MCPH1: variants seen among roughly 807,000 people sequenced by gnomAD.
MCPH1 encodes the protein microcephalin 1.
In MCPH1, 104 loss-of-function variants were observed where a neutral mutation model predicts 84.5. The ratio of observed to expected loss-of-function variants is 1.23; its 90% CI spans 1.05 to 1.45. MCPH1 has a LOEUF of 1.45. MCPH1 is among the 40% of genes most tolerant of loss of function. The pLI is 0.00. For synonymous variants in MCPH1, 514 were observed against 366.8 expected (o/e 1.40, Z -4.58); for missense variants, 1,498 against 1,005.7 (o/e 1.49, Z -6.62).
At chr8:6,466,126 TGG>T (rs1450524883) in intron 9 of MCPH1, among the ~76,000 whole-genome samples, 1 of 94,236 alleles carries the variant, frequency 1.1e-5, no homozygotes, top group Non-Finnish European at 1.9e-5. Context: ...GGCTAATTTT[TGG>T]ATTTTTTTTT....
intron 12 of MCPH1, among the ~76,000 whole-genome samples, chr8:6,619,561 G>C (rs975363414): frequency 1.3e-5 from 2 of 152,026 alleles, no homozygotes; most frequent in African/African-American, 4.8e-5. Flanking sequence ...CAAGTGCTGG[G>C]ATTACAGGCG....
chr8:6,480,638 A>G, intron 10 of MCPH1, 76 bp from the exon 11 acceptor site: 1 of 1,543,242 alleles, frequency 6.5e-7, no homozygotes, highest in South Asian at 1.1e-5. Context: ...ATTAGTACTA[A>G]TATTGAGTGT....
rs529677973 is a variant in MCPH1 at position 6,444,386 on chromosome 8, T to G, written c.671-7T>G. 8.1e-5 allele frequency: 131 copies of G among 1,614,082 alleles called. 1 individual carries two copies. In the South Asian group the frequency reaches 1.4e-3, roughly 17 times the overall value. ...TTAAAAGTTAGCTCTCCGTTAATGT[T>G]TTCCAGATGAATACTTTGCTGGTGG... is the stretch of plus-strand genomic sequence containing the variant. On this transcript the variant is annotated splice_polypyrimidine_tract_variant and splice_region_variant and intron_variant, in intron 7 of 13. Coordinates refer to ENST00000344683, the MANE Select transcript of MCPH1 (RefSeq NM_024596.5).
Position 6,643,165 on chromosome 8 carries a change from A to G in MCPH1, c.*116A>G. 2 of 880,150 alleles carry G rather than the reference A, an allele frequency of 2.3e-6. No homozygotes were observed. Among genetic ancestry groups the G allele is most frequent in the Non-Finnish European group, 1.9e-6 (1 of 536,728 alleles). The allele number at this position is 880,150 out of a possible 1,614,324, so 54.5% of individuals were successfully genotyped here. A position where few individuals can be genotyped will look rare whatever the true frequency, so the allele number is the denominator to read the frequency against. ...ACTGGCGTATACAAGATGACTTCTG[A>G]TATCATGTTTGCCATGTGTTGTGGT... On this transcript the variant is annotated 3_prime_UTR_variant, in exon 14 of 14. Coordinates refer to ENST00000344683, the MANE Select transcript of MCPH1 (RefSeq NM_024596.5).
chr8:6,456,710 T>C (rs1805717245), intron 9 of MCPH1, among the ~76,000 whole-genome samples: 1 of 151,824 alleles, frequency 6.6e-6, no homozygotes, highest in Non-Finnish European at 1.5e-5. Flanking sequence ...TACTTGTTAC[T>C]CACCATAAAA....
chr8:6,642,912 T>C, intron 13 of MCPH1, 82 bp from the exon 14 acceptor site: 3 of 1,283,238 alleles, frequency 2.3e-6, no homozygotes, highest in Non-Finnish European at 3.4e-6. Context: ...TAAATATAGT[T>C]TCATGTATAT....
chr8:6,626,808 T>C, intron 13 of MCPH1: 2 of 985,318 alleles, frequency 2.0e-6, no homozygotes, highest in Non-Finnish European at 2.4e-6. Context: ...TGTGCTGTGG[T>C]CAGCTCTGTG....
At chr8:6,516,520 A>G (rs1816305610) in intron 12 of MCPH1, among the ~76,000 whole-genome samples, 1 of 152,184 alleles carries the variant, frequency 6.6e-6, no homozygotes, top group Non-Finnish European at 1.5e-5. Context: ...GTCCCTCAAC[A>G]CAGTTCCAAG....
At chr8:6,447,252 A>C in intron 8 of MCPH1, 10 of 985,408 alleles carry the variant, frequency 1.0e-5, no homozygotes, top group Non-Finnish European at 1.2e-5. Context: ...TCTCTTTGGG[A>C]ATCTATCTTA....
intron 12 of MCPH1, among the ~76,000 whole-genome samples, chr8:6,612,580 C>T (rs757732283): frequency 6.6e-6 from 1 of 152,244 alleles, no homozygotes. Context: ...GGCTTCCTGA[C>T]CCCCACTGCG....
At position 6,613,422 on chromosome 8, in the gene MCPH1, G is replaced by A. The variant is rs529434047; in HGVS notation, c.2215-8032G>A. Among the ~76,000 whole-genome samples the A allele has an allele frequency of 1.2e-4, 19 of 152,276 alleles. No individual in the cohort carries two copies. In the South Asian group the frequency reaches 2.5e-3, roughly 20 times the overall value. ...GGGTTGTGGTTTGACTCAGTCTGAC[G>A]TGGAGAGAAGGGCCAGGGAGTCACG... On this transcript the variant is annotated intron_variant, in intron 12 of 13. Coordinates refer to ENST00000344683, the MANE Select transcript of MCPH1 (RefSeq NM_024596.5).
intron 12 of MCPH1, chr8:6,514,672 C>T (rs1380493417): frequency 7.4e-6 from 12 of 1,612,858 alleles, no homozygotes; most frequent in Non-Finnish European, 1.0e-5. Context: ...AAAGAATGTC[C>T]TTACCACTTT....
intron 12 of MCPH1, among the ~76,000 whole-genome samples, chr8:6,604,705 A>G (rs1002036557): frequency 1.3e-5 from 2 of 152,230 alleles, no homozygotes; most frequent in Non-Finnish European, 2.9e-5. Context: ...GGGTTTCACC[A>G]TGTTGGCCAG....
chr8:6,572,406 C>G (rs1194474730), intron 12 of MCPH1, among the ~76,000 whole-genome samples: 1 of 152,104 alleles, frequency 6.6e-6, no homozygotes, highest in Non-Finnish European at 1.5e-5. Context: ...TCACTAGCTC[C>G]CTCTGCTGAT....
chr8:6,575,975 C>T (rs1206131632), intron 12 of MCPH1, among the ~76,000 whole-genome samples: 5 of 148,824 alleles, frequency 3.4e-5, no homozygotes, highest in East Asian at 4.0e-4. Context: ...TCCAGAACTG[C>T]GAGAGAGTGG....
At chr8:6,583,245 G>A (rs760511531) in intron 12 of MCPH1, among the ~76,000 whole-genome samples, 3 of 151,424 alleles carry the variant, frequency 2.0e-5, no homozygotes, top group Non-Finnish European at 4.4e-5. Flanking sequence ...CTTTATGCTT[G>A]ATTTTTTTTT....
At chr8:6,509,471 C>T (rs1375073172) in intron 12 of MCPH1, among the ~76,000 whole-genome samples, 2 of 152,160 alleles carry the variant, frequency 1.3e-5, no homozygotes, top group Non-Finnish European at 2.9e-5. Flanking sequence ...CGCAGGGGGC[C>T]CCGGGGGGGA....
chr8:6,542,781 A>T (rs1044035259), intron 12 of MCPH1, among the ~76,000 whole-genome samples: 1 of 152,142 alleles, frequency 6.6e-6, no homozygotes, highest in Non-Finnish European at 1.5e-5. Flanking sequence ...TAGCATGATC[A>T]TCTCTGAAGT....
intron 13 of MCPH1, among the ~76,000 whole-genome samples, chr8:6,634,651 C>T (rs546954659): frequency 2.6e-5 from 4 of 152,292 alleles, no homozygotes; most frequent in Admixed American, 6.5e-5. Flanking sequence ...CTTTTCTGAT[C>T]GGTTTTACAA....
Sources: gnomAD v4.1 joint callset for allele counts (sites outside exome capture counted in the v4.1 genomes callset) on GRCh38, gnomAD v4.1.1 for gene constraint, MANE v1.5 for transcripts, NCBI Gene and HGNC (gene_info 2026-07-23, HGNC 2026-07-21) for gene names.